DENND1A: variants seen among roughly 807,000 people sequenced by gnomAD.
The protein encoded by DENND1A is DENN domain containing 1A.
In DENND1A, 51 loss-of-function variants were observed where a neutral mutation model predicts 113.7. The ratio of observed to expected loss-of-function variants is 0.45; its 90% CI spans 0.36 to 0.57. The LOEUF (loss-of-function observed/expected upper bound fraction) is 0.57, where lower values mean the gene tolerates loss of function less well. DENND1A is among the 20% of genes least tolerant of loss of function. The probability of loss-of-function intolerance (pLI) is 0.00; values close to 1 mark genes in which losing one functional copy is unlikely to be tolerated. For synonymous variants in DENND1A, 565 were observed against 570.8 expected (o/e 0.99, Z 0.14); for missense variants, 1,258 against 1,395.9 (o/e 0.90, Z 1.57).
chr9:123,489,554 G>A (rs558185307), intron 13 of DENND1A, among the ~76,000 whole-genome samples: 3 of 152,358 alleles, frequency 2.0e-5, no homozygotes, highest in African/African-American at 7.2e-5. Flanking sequence ...GGTACCGAAG[G>A]CCCCAGTTAC....
chr9:123,601,326 T>A (rs2059926197), intron 11 of DENND1A, among the ~76,000 whole-genome samples: 1 of 152,252 alleles, frequency 6.6e-6, no homozygotes, highest in Admixed American at 6.5e-5. Flanking sequence ...TTAAATTGTT[T>A]TATATTAACT....
At chr9:123,600,589 T>C (rs557688901) in intron 11 of DENND1A, among the ~76,000 whole-genome samples, 1 of 152,314 alleles carries the variant, frequency 6.6e-6, no homozygotes, top group Non-Finnish European at 1.5e-5. Context: ...AGCAAAAGAA[T>C]AGTTTTGTGC....
At chr9:123,526,413 G>A (rs1212282536) in intron 13 of DENND1A, among the ~76,000 whole-genome samples, 1 of 152,158 alleles carries the variant, frequency 6.6e-6, no homozygotes. Flanking sequence ...TCTCTCATCA[G>A]CATTTCCATG....
intron 13 of DENND1A, 125 bp downstream of exon 13, chr9:123,557,441 CACAA>C (rs1474042461): frequency 3.5e-6 from 5 of 1,413,110 alleles, no homozygotes; most frequent in Non-Finnish European, 4.8e-6. Context: ...TGTCCCCCAC[CACAA>C]ACACACACAA....
chr9:123,574,888 T>C (rs915192971), intron 12 of DENND1A, among the ~76,000 whole-genome samples: 1 of 152,244 alleles, frequency 6.6e-6, no homozygotes, highest in African/African-American at 2.4e-5. Flanking sequence ...TAGTATTAAC[T>C]AAACTCCAGA....
At chr9:123,877,055 G>A (rs530692209) in intron 2 of DENND1A, among the ~76,000 whole-genome samples, 2 of 152,178 alleles carry the variant, frequency 1.3e-5, no homozygotes, top group Non-Finnish European at 1.5e-5. Flanking sequence ...AGGGTGGGAG[G>A]GGCTGAGGGA....
chr9:123,818,519 TACAC>T (rs1215014185), intron 2 of DENND1A, among the ~76,000 whole-genome samples: 5,954 of 111,628 alleles, frequency 0.053, 183 homozygotes, highest in African/African-American at 0.11. Context: ...TACATACATA[TACAC>T]ACACACACAC....
chr9:123,550,601 G>A (rs2056982413), intron 13 of DENND1A, among the ~76,000 whole-genome samples: 2 of 152,222 alleles, frequency 1.3e-5, no homozygotes, highest in Admixed American at 6.5e-5. Flanking sequence ...AAAAGGGGAT[G>A]AATTGAAAGC....
intron 5 of DENND1A, among the ~76,000 whole-genome samples, chr9:123,747,648 C>T (rs530339980): frequency 1.6e-4 from 25 of 152,140 alleles, no homozygotes; most frequent in African/African-American, 4.6e-4. Context: ...CATAAGTTTA[C>T]GTAAAGTTTT....
intron 3 of DENND1A, among the ~76,000 whole-genome samples, chr9:123,778,531 C>G (rs1169909343): frequency 6.6e-6 from 1 of 152,214 alleles, no homozygotes; most frequent in Non-Finnish European, 1.5e-5. Context: ...GGATTCCTTT[C>G]ATGTGTAACT....
chr9:123,807,646 GCTGAATTGAATTCTAT>G (rs1486376547), intron 2 of DENND1A, among the ~76,000 whole-genome samples: 1 of 152,198 alleles, frequency 6.6e-6, no homozygotes, highest in Non-Finnish European at 1.5e-5. Context: ...ATACATGTTT[GCTGAATTGAATTCTAT>G]CTGAATTGCC....
chr9:123,505,764 T>C (rs887553595), intron 13 of DENND1A, among the ~76,000 whole-genome samples: 4 of 152,210 alleles, frequency 2.6e-5, no homozygotes, highest in African/African-American at 9.7e-5. Context: ...ATTTTTCATA[T>C]GTTAAATGCT....
intron 2 of DENND1A, among the ~76,000 whole-genome samples, chr9:123,812,291 AAGCAGATTGGATCCAT>A (rs1836749641): frequency 1.3e-5 from 2 of 152,322 alleles, no homozygotes; most frequent in African/African-American, 4.8e-5. Flanking sequence ...ATGTTGCTTC[AAGCAGATTGGATCCAT>A]TCCTTTTAAT....
intron 18 of DENND1A, among the ~76,000 whole-genome samples, chr9:123,444,037 A>T (rs1014084827): frequency 2.6e-5 from 4 of 152,180 alleles, no homozygotes; most frequent in South Asian, 2.1e-4. Context: ...GGGAGCTAAT[A>T]ACAGCAACTT....
intron 2 of DENND1A, among the ~76,000 whole-genome samples, chr9:123,833,230 G>A (rs932742626): frequency 1.3e-5 from 2 of 151,472 alleles, no homozygotes; most frequent in Admixed American, 6.6e-5. Context: ...AAGGATGGCT[G>A]GCAAGATGCT....
At position 123,457,829 on chromosome 9, in the gene DENND1A, G is replaced by A. The variant is rs774430049; in HGVS notation, c.1062C>T (p.Phe354=). The A allele has an allele frequency of 6.8e-6, 11 of 1,612,524 alleles. No homozygotes were observed. In the South Asian group the frequency reaches 1.2e-4, roughly 18 times the overall value. Residue 354 remains phenylalanine, a synonymous_variant, in exon 14 of 24, where the codon TTC becomes TTT. Transcript: ENST00000394215. The part of the protein sequence containing the change: ...SHYRSGAMRQ[F]LQNATQLQLF... ...GCTGCAGCTGTGTGGCGTTCTGCAG[G>A]AACTGCCTCATGGCTCCGGAGCGGT...
intron 2 of DENND1A, among the ~76,000 whole-genome samples, chr9:123,823,781 A>G (rs1370437652): frequency 1.3e-5 from 2 of 152,142 alleles, no homozygotes; most frequent in Non-Finnish European, 2.9e-5. Flanking sequence ...AGATAAGATG[A>G]TAGAACTGAA....
chr9:123,411,911 C>T (rs1340106185), intron 19 of DENND1A, 82 bp from the exon 20 acceptor site: 4 of 932,264 alleles, frequency 4.3e-6, no homozygotes, highest in South Asian at 9.9e-5. Flanking sequence ...GAGGAAGGCA[C>T]CCAGTCACCT....
At position 123,684,688 on chromosome 9, in the gene DENND1A, T is replaced by C. The variant is rs149808027; in HGVS notation, c.303-7899A>G. Reference sequence around the variant, plus strand: ...TTTACAGAATTTAAAACTGAGACGTTTCCAGTCCAAACATCACACATTTCT... The same window carrying C: ...TTTACAGAATTTAAAACTGAGACGTCTCCAGTCCAAACATCACACATTTCT... On this transcript the variant is annotated intron_variant, in intron 5 of 23. Coordinates refer to ENST00000394215, the MANE Select transcript of DENND1A (RefSeq NM_001352964.2). Among the ~76,000 whole-genome samples the C allele has an allele frequency of 1.4e-3, 215 of 152,328 alleles. 1 individual carries two copies. Among genetic ancestry groups the C allele is most frequent in the African/African-American group, 4.9e-3 (205 of 41,570 alleles).
Sources: gnomAD v4.1 joint callset for allele counts (sites outside exome capture counted in the v4.1 genomes callset) on GRCh38, gnomAD v4.1.1 for gene constraint, MANE v1.5 for transcripts, NCBI Gene and HGNC (gene_info 2026-07-23, HGNC 2026-07-21) for gene names.